Variants in BRINP3 observed in about 807,000 individuals in gnomAD.
BRINP3 encodes the protein BMP/retinoic acid inducible neural specific 3.
In BRINP3, 19 loss-of-function variants were observed where a neutral mutation model predicts 71.0. The observed-to-expected ratio is 0.27, with a 90% CI of 0.19 to 0.39. The LOEUF (loss-of-function observed/expected upper bound fraction) is 0.39, where lower values mean the gene tolerates loss of function less well. BRINP3 is among the 10% of genes least tolerant of loss of function. BRINP3 has a pLI of 1.00. For synonymous variants in BRINP3, 380 were observed against 337.7 expected (o/e 1.13, Z -1.37); for missense variants, 959 against 940.8 (o/e 1.02, Z -0.25).
chr1:190,152,915 A>C (rs2102428647), intron 7 of BRINP3, among the ~76,000 whole-genome samples: 1 of 152,284 alleles, frequency 6.6e-6, no homozygotes, highest in South Asian at 2.1e-4. Context: ...AACTAATTTC[A>C]ACTCACAACT....
At chr1:190,433,993 A>C (rs1674281616) in intron 2 of BRINP3, among the ~76,000 whole-genome samples, 1 of 152,334 alleles carries the variant, frequency 6.6e-6, no homozygotes, top group East Asian at 1.9e-4. Context: ...GTTAAAAATT[A>C]TAACTAATAT....
chr1:190,232,335 C>T (rs1354863432), intron 5 of BRINP3, among the ~76,000 whole-genome samples: 1 of 151,910 alleles, frequency 6.6e-6, no homozygotes, highest in Non-Finnish European at 1.5e-5. Flanking sequence ...AAATTGTTCC[C>T]ATTAGTTTAT....
intron 2 of BRINP3, among the ~76,000 whole-genome samples, chr1:190,398,481 A>G (rs1671721867): frequency 6.6e-6 from 1 of 151,998 alleles, no homozygotes; most frequent in South Asian, 2.1e-4. Flanking sequence ...TACTAAGTAT[A>G]ACGCTGAACA....
intron 2 of BRINP3, among the ~76,000 whole-genome samples, chr1:190,400,361 G>A (rs1671843235): frequency 6.6e-6 from 1 of 152,030 alleles, no homozygotes; most frequent in African/African-American, 2.4e-5. Flanking sequence ...AAGTATTTTA[G>A]GTTTTCAAAA....
chr1:190,118,925 T>A (rs1288312545), intron 7 of BRINP3, among the ~76,000 whole-genome samples: 2 of 152,206 alleles, frequency 1.3e-5, no homozygotes, highest in Admixed American at 1.3e-4. Flanking sequence ...TTAGCCATAG[T>A]CATCCATTCC....
At chr1:190,332,486 C>G (rs879570250) in intron 2 of BRINP3, among the ~76,000 whole-genome samples, 4 of 152,016 alleles carry the variant, frequency 2.6e-5, no homozygotes, top group Non-Finnish European at 5.9e-5. Flanking sequence ...TACCTGTTCA[C>G]CTTTTCCAGG....
chr1:190,460,460 A>G (rs920497982), intron 1 of BRINP3, among the ~76,000 whole-genome samples: 10 of 152,098 alleles, frequency 6.6e-5, no homozygotes, highest in Admixed American at 2.0e-4. Context: ...TAAATTTTCA[A>G]TACTTTTTCC....
intron 2 of BRINP3, among the ~76,000 whole-genome samples, chr1:190,427,685 C>T (rs113608306): frequency 0.011 from 1,642 of 151,932 alleles, 16 homozygotes; most frequent in Non-Finnish European, 0.015. Context: ...AGCCTTCTGA[C>T]CTATTTAGAT....
At chr1:190,170,678 C>T (rs1651934853) in intron 6 of BRINP3, among the ~76,000 whole-genome samples, 2 of 152,078 alleles carry the variant, frequency 1.3e-5, no homozygotes, top group African/African-American at 4.8e-5. Context: ...AGATACATTT[C>T]TTAACTTATG....
chr1:190,294,229 C>A (rs997717691), intron 2 of BRINP3, among the ~76,000 whole-genome samples: 2 of 150,038 alleles, frequency 1.3e-5, no homozygotes, highest in African/African-American at 4.9e-5. Flanking sequence ...TTTACAAAAA[C>A]ATCTTATAGC....
intron 6 of BRINP3, among the ~76,000 whole-genome samples, chr1:190,217,420 T>C (rs1392596486): frequency 1.3e-5 from 2 of 152,006 alleles, no homozygotes; most frequent in Non-Finnish European, 2.9e-5. Flanking sequence ...TATATCTTAC[T>C]AGTTTTAAAA....
intron 4 of BRINP3, among the ~76,000 whole-genome samples, chr1:190,258,472 G>A (rs779212993): frequency 6.6e-6 from 1 of 151,434 alleles, no homozygotes; most frequent in Non-Finnish European, 1.5e-5. Flanking sequence ...GCTCATTCTT[G>A]GAAAAGATCA....
At chr1:190,430,958 T>G (rs537818975) in intron 2 of BRINP3, among the ~76,000 whole-genome samples, 187 of 145,698 alleles carry the variant, frequency 1.3e-3, no homozygotes, top group African/African-American at 4.7e-3. Context: ...GTATAAAGTG[T>G]TTTTTTTTTA....
intron 6 of BRINP3, among the ~76,000 whole-genome samples, chr1:190,190,119 G>A (rs1396937551): frequency 6.6e-6 from 1 of 152,134 alleles, no homozygotes; most frequent in Non-Finnish European, 1.5e-5. Flanking sequence ...CACCAAGCAA[G>A]CCTTCATCCT....
intron 5 of BRINP3, among the ~76,000 whole-genome samples, chr1:190,232,838 C>G (rs2102732450): frequency 6.6e-6 from 1 of 152,062 alleles, no homozygotes; most frequent in Middle Eastern, 3.4e-3. Context: ...ATTTTTATTG[C>G]AATTCATATT....
At chr1:190,186,309 A>G (rs1230816465) in intron 6 of BRINP3, among the ~76,000 whole-genome samples, 1 of 152,012 alleles carries the variant, frequency 6.6e-6, no homozygotes, top group African/African-American at 2.4e-5. Flanking sequence ...AGAGGTTGCA[A>G]TGAGCCGAGA....
At chr1:190,300,094 C>T (rs2695019) in intron 2 of BRINP3, among the ~76,000 whole-genome samples, 61,514 of 151,794 alleles carry the variant, frequency 0.41, 13,317 homozygotes, top group Non-Finnish European at 0.49. Flanking sequence ...TGAATGTTGG[C>T]CTGCCTTGCT....
intron 2 of BRINP3, among the ~76,000 whole-genome samples, chr1:190,421,601 G>A (rs1673391021): frequency 6.6e-6 from 1 of 151,488 alleles, no homozygotes; most frequent in African/African-American, 2.4e-5. Flanking sequence ...TCATTAATGT[G>A]ACCATATAAT....
At chr1:190,464,838 T>C (rs1053711441) in intron 1 of BRINP3, among the ~76,000 whole-genome samples, 10 of 151,932 alleles carry the variant, frequency 6.6e-5, no homozygotes, top group Non-Finnish European at 1.5e-4. Context: ...TTCCAGAAAA[T>C]TATTCTTCTT....
Sources: allele counts gnomAD v4.1 joint callset (sites outside exome capture counted in the v4.1 genomes callset), GRCh38; gene constraint gnomAD v4.1.1; transcripts MANE v1.5; gene names NCBI Gene and HGNC (gene_info 2026-07-23, HGNC 2026-07-21).